The following SH3PXD2A variants were observed in gnomAD, a reference collection of about 807,000 sequenced individuals.
SH3PXD2A encodes the protein SH3 and PX domains 2A, also known as SH3 and PX domain-containing protein 2A.
A neutral mutation model predicts 115.2 loss-of-function variants in SH3PXD2A; 32 were observed. That is an observed-to-expected ratio of 0.28 (90% confidence interval 0.21 to 0.37). The LOEUF (loss-of-function observed/expected upper bound fraction) is 0.37, where lower values mean the gene tolerates loss of function less well. SH3PXD2A is among the 10% of genes least tolerant of loss of function. The pLI, the probability that SH3PXD2A is intolerant of heterozygous loss-of-function variation, is 1.00. For missense variants in SH3PXD2A, 1,328 were observed against 1,498.7 expected, an observed-to-expected ratio of 0.89 and a Z score of 1.88; for synonymous variants, 610 against 629.1, an observed-to-expected ratio of 0.97 and a Z score of 0.45.
Position 103,784,866 on chromosome 10 carries a change from A to G in SH3PXD2A, c.153+16416T>C, listed in dbSNP as rs563598333. The stretch of plus-strand genomic sequence containing the variant: ...TTGGAACACACTGAGGTGGAGGCAC[A>G]TGTGTGGCTTACACGCAGAGACACC... On this transcript the variant is annotated intron_variant, in intron 2 of 14. Transcript: ENST00000369774. The surrounding 1 kb of genome is among the most constrained non-coding windows in gnomAD (Gnocchi z 4.4). Among the ~76,000 whole-genome samples, 7 of 152,286 alleles carry G rather than the reference A, an allele frequency of 4.6e-5. No individual in the cohort carries two copies. Among genetic ancestry groups the G allele is most frequent in the African/African-American group, 1.7e-4 (7 of 41,552 alleles).
intron 1 of SH3PXD2A, among the ~76,000 whole-genome samples, chr10:103,816,993 G>C (rs2039330118): frequency 8.1e-6 from 1 of 122,960 alleles, no homozygotes. Flanking sequence ...AACACACCCG[G>C]CTAATTTTTT....
intron 3 of SH3PXD2A, among the ~76,000 whole-genome samples, chr10:103,766,887 A>G (rs904698032): frequency 6.6e-6 from 1 of 152,212 alleles, no homozygotes; most frequent in African/African-American, 2.4e-5. Flanking sequence ...GCCAGCAGAG[A>G]CGGTCTTGTA....
In SH3PXD2A at chr10:103,603,338, G is replaced by A. The variant is rs1219718561; in HGVS notation, c.1880C>T (p.Pro627Leu). 6.2e-7 allele frequency: 1 copy of A among 1,614,176 alleles called. No homozygotes were observed. The highest frequency in any genetic ancestry group is 1.7e-5 in the Admixed American group (1 of 60,030). The change falls in exon 15 of 15, where the codon CCA (proline) becomes CTA (leucine). Residue 627 changes from proline to leucine, a missense_variant. By Grantham distance (98) the Pro-to-Leu change is moderately conservative. Transcript: ENST00000369774. ...ETIYENEGFR[P>L]YAEDTLSARG... ...GGCTGACAGGGTGTCCTCTGCATATGGCCGGAAGCCCTCATTCTCATAGAT... is the reference window on the plus strand; with the variant it reads ...GGCTGACAGGGTGTCCTCTGCATATAGCCGGAAGCCCTCATTCTCATAGAT...
rs767579345 is a variant in SH3PXD2A, at chr10:103,605,877, T to A, written c.1349A>T (p.Glu450Val). The A allele has an allele frequency of 2.0e-5, 32 of 1,613,800 alleles. No homozygotes were observed. Among genetic ancestry groups the A allele is most frequent in the Non-Finnish European group, 2.2e-5 (26 of 1,179,704 alleles). Residue 450 changes from glutamate to valine, a missense_variant, in exon 14 of 15, where the codon GAG becomes GTG. Physicochemically the swap from Glu to Val is moderately radical, Grantham distance 121. This residue lies in a region of SH3PXD2A where 509 missense variants were observed against 628.3 expected (regional missense o/e 0.81). Coordinates refer to ENST00000369774, the MANE Select transcript of SH3PXD2A (RefSeq NM_001394015.1). ...TTCGGCAATGGTGTAGTACTCCACC[T>A]CAACAGAAGGGGGCTCTGGTGGCTT... ...LPKPPEPPSV[E>V]VEYYTIAEFQ... is the part of the protein sequence containing the mutation.
intron 3 of SH3PXD2A, among the ~76,000 whole-genome samples, chr10:103,761,370 C>T (rs933584308): frequency 6.6e-6 from 1 of 152,114 alleles, no homozygotes; most frequent in Non-Finnish European, 1.5e-5. Flanking sequence ...AGTATTTTTG[C>T]AACCTCTTGT....
At chr10:103,639,608 TAAAA>T (rs67918508) in intron 8 of SH3PXD2A, among the ~76,000 whole-genome samples, 2 of 85,848 alleles carry the variant, frequency 2.3e-5, no homozygotes, top group Non-Finnish European at 4.7e-5. Context: ...GACTCCGTCT[TAAAA>T]AAAAAAAAAA....
At chr10:103,763,402 G>A (rs2038721256) in intron 3 of SH3PXD2A, among the ~76,000 whole-genome samples, 1 of 152,226 alleles carries the variant, frequency 6.6e-6, no homozygotes, top group South Asian at 2.1e-4. Context: ...GGTGCTCTCT[G>A]CTTCCACCCC....
chr10:103,713,072 A>G (rs10509768), intron 5 of SH3PXD2A, among the ~76,000 whole-genome samples: 25,893 of 152,122 alleles, frequency 0.17, 4,252 homozygotes, highest in African/African-American at 0.42. Context: ...GGGAGCTGTA[A>G]TATCCGATAT....
Position 103,733,358 on chromosome 10 carries a change from T to C in SH3PXD2A, c.306+2374A>G, listed in dbSNP as rs746432081. Among the ~76,000 whole-genome samples, 14 of 152,342 alleles carry C rather than the reference T, an allele frequency of 9.2e-5. No individual in the cohort carries two copies. In the South Asian group the frequency reaches 2.9e-3, roughly 32 times the overall value. ...AGACAGCATTTCCTTGGAGCCCAACTGCAGATGCCTTGGGCTGGCTAATCT... is the reference window on the plus strand; with the variant it reads ...AGACAGCATTTCCTTGGAGCCCAACCGCAGATGCCTTGGGCTGGCTAATCT... On this transcript the variant is annotated intron_variant, in intron 4 of 14. Transcript: ENST00000369774.
chr10:103,691,438 C>A (rs898256133), intron 6 of SH3PXD2A, among the ~76,000 whole-genome samples: 5 of 152,072 alleles, frequency 3.3e-5, no homozygotes, highest in African/African-American at 1.2e-4. Context: ...GGACACTATA[C>A]GTCTGAGGCC....
rs1054435596 is a variant in SH3PXD2A, at chr10:103,596,754, A to C, written c.*5062T>G. ...TAGCAATGTGGACAGTTCTCTTCCCAGAGAGCTCTGCTTTGAGATTCTCAA... is the reference window on the plus strand; with the variant it reads ...TAGCAATGTGGACAGTTCTCTTCCCCGAGAGCTCTGCTTTGAGATTCTCAA... On this transcript the variant is annotated 3_prime_UTR_variant, in exon 15 of 15. Transcript: ENST00000369774. The C allele has an allele frequency of 6.6e-6, 1 of 152,406 alleles. No individual in the cohort carries two copies. The highest frequency in any genetic ancestry group is 2.4e-5 in the African/African-American group (1 of 41,358). 9.4% of individuals were successfully genotyped at this position (152,406 alleles called of 1,614,324 possible).
At chr10:103,754,921 A>C (rs2038622531) in intron 3 of SH3PXD2A, 1 of 152,224 alleles carries the variant, frequency 6.6e-6, no homozygotes. Context: ...CTAAAGACAC[A>C]GTAGACCTCC....
chr10:103,676,596 G>A (rs1311451796), intron 6 of SH3PXD2A, among the ~76,000 whole-genome samples: 2 of 152,132 alleles, frequency 1.3e-5, no homozygotes, highest in Admixed American at 6.5e-5. Context: ...TGAGAAGACC[G>A]GAAGCTTCCT....
At chr10:103,698,241 G>A (rs2037849285) in intron 5 of SH3PXD2A, among the ~76,000 whole-genome samples, 1 of 152,252 alleles carries the variant, frequency 6.6e-6, no homozygotes, top group South Asian at 2.1e-4. Context: ...GGCTGGGCCG[G>A]CTCTGTGGAA....
In SH3PXD2A at chr10:103,603,435, C is replaced by A; in HGVS notation, c.1783G>T (p.Ala595Ser). Residue 595 changes from alanine to serine, a missense_variant, in exon 15 of 15, where the codon GCC (alanine) becomes TCC (serine). Physicochemically the swap from Ala to Ser is moderately conservative, Grantham distance 99 (BLOSUM62 1). Coordinates refer to ENST00000369774, the MANE Select transcript of SH3PXD2A (RefSeq NM_001394015.1). ...RPAQPHRPSP[A>S]SSLQRARFKV... ...AAGCGGGCCCGCTGCAGAGAAGAGG[C>A]CGGCGAGGGCCGGTGGGGCTGGGCA... The A allele has an allele frequency of 1.2e-6, 2 of 1,613,286 alleles. No individual in the cohort carries two copies. The highest frequency in any genetic ancestry group is 2.2e-5 in the South Asian group (2 of 91,010).
intron 13 of SH3PXD2A, among the ~76,000 whole-genome samples, chr10:103,611,294 C>T (rs1171754742): frequency 4.6e-5 from 7 of 152,218 alleles, no homozygotes; most frequent in Non-Finnish European, 8.8e-5. Context: ...ACACTTTTGC[C>T]GGGCAGTCTA....
intron 5 of SH3PXD2A, among the ~76,000 whole-genome samples, chr10:103,723,171 T>A (rs532597074): frequency 7.7e-4 from 118 of 152,268 alleles, no homozygotes; most frequent in African/African-American, 2.7e-3. Context: ...TCTCCCCACC[T>A]GGCCCAGAGG....
At chr10:103,757,088 CTG>C (rs2038649932) in intron 3 of SH3PXD2A, among the ~76,000 whole-genome samples, 1 of 152,320 alleles carries the variant, frequency 6.6e-6, no homozygotes, top group South Asian at 2.1e-4. Flanking sequence ...CAGGGTATAA[CTG>C]TACTCTCTCA....
In SH3PXD2A at chr10:103,603,000, C is replaced by A. The variant is rs1267594370; in HGVS notation, c.2218G>T (p.Ala740Ser). ...GTPKVRAKKD[A>S]DANAGLTSCP... ...GAGGTCAGCCCAGCGTTCGCATCAG[C>A]ATCCTTCTTTGCCCTGACCTTGGGA... Residue 740 changes from alanine to serine, a missense_variant, in exon 15 of 15, where the codon GCT (alanine) becomes TCT (serine). Physicochemically the swap from Ala to Ser is moderately conservative, Grantham distance 99. Coordinates refer to ENST00000369774, the MANE Select transcript of SH3PXD2A (RefSeq NM_001394015.1). 3 of 1,614,220 alleles carry A rather than the reference C, an allele frequency of 1.9e-6. No individual in the cohort carries two copies. The South Asian group carries it at 3.3e-5, about 18-fold the overall frequency.
Sources: gnomAD v4.1 joint callset for allele counts (sites outside exome capture counted in the v4.1 genomes callset) on GRCh38, gnomAD v4.1.1 for gene constraint, gnomAD v4.1.1 regional missense constraint, Gnocchi (gnomAD v3.1) non-coding constraint, MANE v1.5 for transcripts, NCBI Gene and HGNC (gene_info 2026-07-23, HGNC 2026-07-21) for gene names.